HTR4: variants seen among roughly 807,000 people sequenced by gnomAD.
The protein encoded by HTR4 is 5-hydroxytryptamine (serotonin) receptor 4, G protein-coupled.
A neutral mutation model predicts 36.8 loss-of-function variants in HTR4; 16 were observed. That is an observed-to-expected ratio of 0.43 (90% CI 0.29 to 0.66). HTR4 has a LOEUF of 0.66. HTR4 is among the 30% of genes least tolerant of loss of function. The pLI, the probability that HTR4 is intolerant of heterozygous loss-of-function variation, is 0.13. For missense variants in HTR4, 438 were observed against 490.9 expected (o/e 0.89, Z 1.02); for synonymous variants, 189 against 185.1 (o/e 1.02, Z -0.17).
intron 2 of HTR4, among the ~76,000 whole-genome samples, chr5:148,599,140 G>A (rs757538312): frequency 2.0e-5 from 3 of 152,108 alleles, no homozygotes; most frequent in Admixed American, 6.6e-5. Flanking sequence ...AAGTATAGCC[G>A]ATAGATGAGA....
chr5:148,652,569 C>A (rs188964030), intron 1 of HTR4, among the ~76,000 whole-genome samples: 1 of 152,220 alleles, frequency 6.6e-6, no homozygotes, highest in Non-Finnish European at 1.5e-5. Flanking sequence ...CAGGGAACAG[C>A]ATCAGAACTG....
intron 6 of HTR4, among the ~76,000 whole-genome samples, chr5:148,504,359 G>T (rs954166410): frequency 5.9e-5 from 9 of 152,106 alleles, no homozygotes; most frequent in Non-Finnish European, 1.3e-4. Context: ...CTGCTCAACT[G>T]CATGGAAACA....
chr5:148,468,618 G>A (rs1017727380), intron 5 of HTR4, among the ~76,000 whole-genome samples: 6 of 152,094 alleles, frequency 3.9e-5, no homozygotes, highest in African/African-American at 7.2e-5. Flanking sequence ...TACTTCCATC[G>A]TTGGAAGCAG....
rs560201063 is a variant in HTR4 at position 148,522,765 on chromosome 5, T to A, written c.507+428A>T. On this transcript the variant is annotated intron_variant, in intron 5 of 6. Coordinates refer to ENST00000377888, the MANE Select transcript of HTR4 (RefSeq NM_000870.7). ...GATGGAAAATTACCAATAGAAAACA[T>A]CAGGAGTAAGAGAGGATTCTGGCTA... Among the ~76,000 whole-genome samples, 15 of 152,012 alleles carry A rather than the reference T, an allele frequency of 9.9e-5. 1 individual carries two copies. Among genetic ancestry groups the A allele is most frequent in the African/African-American group, 3.6e-4 (15 of 41,452 alleles).
chr5:148,584,591 C>G (rs1333788961), intron 2 of HTR4, among the ~76,000 whole-genome samples: 2 of 152,204 alleles, frequency 1.3e-5, no homozygotes, highest in African/African-American at 4.8e-5. Flanking sequence ...ACACTGATAA[C>G]TACCTTCCCA....
chr5:148,480,177 C>G (rs1245774490), downstream of HTR4, among the ~76,000 whole-genome samples: 1 of 152,078 alleles, frequency 6.6e-6, no homozygotes, highest in Non-Finnish European at 1.5e-5. Flanking sequence ...TTCCATGTTA[C>G]TTTGAAGTTA....
At chr5:148,453,819 G>A (rs779706731) in intron 5 of HTR4, among the ~76,000 whole-genome samples, 25 of 152,270 alleles carry the variant, frequency 1.6e-4, no homozygotes, top group Non-Finnish European at 2.5e-4. Flanking sequence ...GAATATATGG[G>A]ATGGAGGTAA....
At chr5:148,617,181 T>C (rs1037574922) in intron 2 of HTR4, among the ~76,000 whole-genome samples, 3 of 152,202 alleles carry the variant, frequency 2.0e-5, no homozygotes, top group Non-Finnish European at 4.4e-5. Flanking sequence ...CTCACAATAG[T>C]GAGTGATTTC....
intron 4 of HTR4, among the ~76,000 whole-genome samples, chr5:148,524,093 A>G (rs1222288542): frequency 1.3e-5 from 2 of 152,006 alleles, no homozygotes; most frequent in African/African-American, 4.8e-5. Context: ...TAAAATGCAG[A>G]TCCCAAGGAT....
intron 2 of HTR4, among the ~76,000 whole-genome samples, chr5:148,558,032 C>T (rs1190435450): frequency 6.6e-6 from 1 of 151,962 alleles, no homozygotes; most frequent in African/African-American, 2.4e-5. Context: ...AAGAAATATT[C>T]TTGAAAATAT....
intron 2 of HTR4, among the ~76,000 whole-genome samples, chr5:148,561,297 A>C (rs927795091): frequency 1.3e-5 from 2 of 152,214 alleles, no homozygotes; most frequent in Non-Finnish European, 2.9e-5. Context: ...AAGGAATACA[A>C]AGGATTTCAG....
intron 2 of HTR4, among the ~76,000 whole-genome samples, chr5:148,612,239 C>T (rs1218946547): frequency 2.0e-5 from 3 of 151,792 alleles, no homozygotes; most frequent in East Asian, 1.9e-4. Flanking sequence ...TTTTCAGCAC[C>T]ACACCACACC....
At chr5:148,461,086 C>T (rs1285966744) in intron 5 of HTR4, among the ~76,000 whole-genome samples, 2 of 151,866 alleles carry the variant, frequency 1.3e-5, no homozygotes, top group Admixed American at 1.3e-4. Context: ...GTTTTCCCAA[C>T]TCTAGGGCAA....
chr5:148,559,285 T>C (rs1760087058), intron 2 of HTR4, among the ~76,000 whole-genome samples: 1 of 152,200 alleles, frequency 6.6e-6, no homozygotes, highest in South Asian at 2.1e-4. Context: ...AGTCAAACCA[T>C]CATGTCGGGG....
intron 1 of HTR4, among the ~76,000 whole-genome samples, 167 bp from the exon 2 acceptor site, chr5:148,637,228 G>A (rs1180076081): frequency 6.6e-6 from 1 of 152,150 alleles, no homozygotes; most frequent in African/African-American, 2.4e-5. Context: ...TTGACGTATG[G>A]TACAGCCGAG....
intron 6 of HTR4, among the ~76,000 whole-genome samples, chr5:148,505,187 C>T (rs1300103419): frequency 6.6e-6 from 1 of 152,180 alleles, no homozygotes; most frequent in Non-Finnish European, 1.5e-5. Context: ...ATCAAGTGGG[C>T]TTCATCCCTG....
intron 2 of HTR4, among the ~76,000 whole-genome samples, chr5:148,608,287 A>T (rs1752264538): frequency 6.6e-6 from 1 of 152,212 alleles, no homozygotes; most frequent in African/African-American, 2.4e-5. Context: ...GAAACAAACA[A>T]ACAGGCAATT....
chr5:148,549,089 C>T (rs1207419007), intron 3 of HTR4, among the ~76,000 whole-genome samples: 2 of 152,210 alleles, frequency 1.3e-5, no homozygotes, highest in African/African-American at 4.8e-5. Flanking sequence ...GGTCCAGCCT[C>T]TCCTGACTTC....
intron 6 of HTR4, among the ~76,000 whole-genome samples, chr5:148,498,033 C>T (rs1249829215): frequency 6.6e-6 from 1 of 152,210 alleles, no homozygotes; most frequent in Non-Finnish European, 1.5e-5. Flanking sequence ...CAATTGCAGA[C>T]ATCTCTGCTA....
Sources: allele counts gnomAD v4.1 joint callset (sites outside exome capture counted in the v4.1 genomes callset), GRCh38; gene constraint gnomAD v4.1.1; transcripts MANE v1.5; gene names NCBI Gene and HGNC (gene_info 2026-07-23, HGNC 2026-07-21).